The following OSTF1 variants were observed in gnomAD, a reference collection of about 807,000 sequenced individuals.
OSTF1 encodes the protein osteoclast stimulating factor 1, also known as osteoclast-stimulating factor 1.
In OSTF1, 27 loss-of-function variants were observed where a neutral mutation model predicts 37.2. The ratio of observed to expected loss-of-function variants is 0.73; its 90% CI spans 0.54 to 1.00. The LOEUF (loss-of-function observed/expected upper bound fraction) is 1.00, where lower values mean the gene tolerates loss of function less well. Ranked by LOEUF, OSTF1 falls within the 50% of genes least tolerant of loss-of-function variation. The pLI is 0.00. For missense variants in OSTF1, 232 were observed against 253.8 expected (o/e 0.91, Z 0.58); for synonymous variants, 82 against 89.2 (o/e 0.92, Z 0.46).
intron 8 of OSTF1, among the ~76,000 whole-genome samples, chr9:75,139,847 A>G (rs1825912122): frequency 6.6e-6 from 1 of 152,236 alleles, no homozygotes; most frequent in Admixed American, 6.5e-5. Context: ...TAGCTGTCAG[A>G]ATTTAAAATG....
At chr9:75,131,952 A>G (rs1825767836) in intron 5 of OSTF1, 129 bp downstream of exon 5, 1 of 682,492 alleles carries the variant, frequency 1.5e-6, no homozygotes, top group African/African-American at 1.8e-5. Context: ...CTGCCATCCT[A>G]GAAAGTTCCC....
intron 1 of OSTF1, among the ~76,000 whole-genome samples, chr9:75,100,707 GGC>G (rs1825175706): frequency 6.6e-6 from 1 of 151,266 alleles, no homozygotes; most frequent in Non-Finnish European, 1.5e-5. Context: ...GTCCAGCCTG[GGC>G]AACAGAGTGA....
At position 75,117,492 on chromosome 9, in the gene OSTF1, T is replaced by A; in HGVS notation, c.35-12T>A. 1 of 1,603,128 alleles carries A rather than the reference T, an allele frequency of 6.2e-7. No individual in the cohort carries two copies. Among genetic ancestry groups the A allele is most frequent in the Non-Finnish European group, 8.5e-7 (1 of 1,171,488 alleles). ...TGAAAAATTCAGTTGTTGTTTTTTC[T>A]TCCTTTTTTAGGGCAAGTTAAAGTC... On this transcript the variant is annotated splice_polypyrimidine_tract_variant and intron_variant, in intron 1 of 9. Transcript: ENST00000346234.
At chr9:75,126,050 T>C (rs1825656313) in intron 2 of OSTF1, among the ~76,000 whole-genome samples, 1 of 152,094 alleles carries the variant, frequency 6.6e-6, no homozygotes, top group African/African-American at 2.4e-5. Context: ...GCTGGGATTA[T>C]AAGTGTGCAC....
chr9:75,094,354 G>C (rs1825034257), intron 1 of OSTF1, among the ~76,000 whole-genome samples: 1 of 149,086 alleles, frequency 6.7e-6, no homozygotes, highest in East Asian at 1.9e-4. Flanking sequence ...AAAACGCTTT[G>C]ATACAAAAAA....
At chr9:75,100,343 C>T (rs970459378) in intron 1 of OSTF1, among the ~76,000 whole-genome samples, 3 of 152,166 alleles carry the variant, frequency 2.0e-5, no homozygotes, top group African/African-American at 7.2e-5. Flanking sequence ...CCATTGTCTC[C>T]ATTTCCTCCC....
intron 3 of OSTF1, among the ~76,000 whole-genome samples, chr9:75,128,820 T>C (rs894253917): frequency 5.3e-5 from 8 of 151,536 alleles, no homozygotes; most frequent in African/African-American, 1.9e-4. Flanking sequence ...TTAATGACAG[T>C]TTAAGAAAAA....
At chr9:75,132,299 G>A (rs963844407) in intron 5 of OSTF1, among the ~76,000 whole-genome samples, 8 of 152,120 alleles carry the variant, frequency 5.3e-5, no homozygotes, top group South Asian at 2.1e-4. Flanking sequence ...GGCCAGGGAG[G>A]GCATGACTAA....
At position 75,119,979 on chromosome 9, in the gene OSTF1, G is replaced by T. The variant is rs577772995; in HGVS notation, c.81+2429G>T. On this transcript the variant is annotated intron_variant, in intron 2 of 9. Coordinates refer to ENST00000346234, the MANE Select transcript of OSTF1 (RefSeq NM_012383.5). ...CTCCGTCTTAATAAAAAAAAAAAAAGATATGAGTCATTGGATTAGGGCTCA... is the reference window on the plus strand; with the variant it reads ...CTCCGTCTTAATAAAAAAAAAAAAATATATGAGTCATTGGATTAGGGCTCA... 3.3e-5 allele frequency among the ~76,000 whole-genome samples: 5 copies of T among 150,502 alleles called. No homozygotes were observed. In the South Asian group the frequency reaches 1.0e-3, roughly 32 times the overall value.
At chr9:75,136,431 T>A (rs557279971) in intron 7 of OSTF1, among the ~76,000 whole-genome samples, 2 of 152,290 alleles carry the variant, frequency 1.3e-5, no homozygotes, top group East Asian at 3.9e-4. Flanking sequence ...CTCGCTCTGT[T>A]GTCCAGGCTG....
In OSTF1 at chr9:75,133,537, C is replaced by G. The variant is rs764688221; in HGVS notation, c.358+136C>G. On this transcript the variant is annotated intron_variant, in intron 6 of 9. Coordinates refer to ENST00000346234, the MANE Select transcript of OSTF1 (RefSeq NM_012383.5). ...ATCCTTTAGAATACCGGCCAAAACCCTTGTTCCTGGAAGCTCTGTAGAACA... is the reference window on the plus strand; with the variant it reads ...ATCCTTTAGAATACCGGCCAAAACCGTTGTTCCTGGAAGCTCTGTAGAACA... The G allele has an allele frequency of 5.1e-6, 3 of 592,150 alleles. No individual in the cohort carries two copies. The South Asian group carries it at 6.7e-5, about 13-fold the overall frequency. 36.7% of individuals were successfully genotyped at this position (592,150 alleles called of 1,614,324 possible).
At chr9:75,143,334 A>G (rs1288986982) in intron 9 of OSTF1, among the ~76,000 whole-genome samples, 1 of 151,948 alleles carries the variant, frequency 6.6e-6, no homozygotes, top group African/African-American at 2.4e-5. Flanking sequence ...GCCCTTTAAC[A>G]TTTTTTTCCA....
chr9:75,141,465 G>T (rs530738976), intron 9 of OSTF1, among the ~76,000 whole-genome samples: 1 of 151,992 alleles, frequency 6.6e-6, no homozygotes, highest in South Asian at 2.1e-4. Flanking sequence ...CCTTTATTGT[G>T]TGTTTCTTTT....
Position 75,127,618 on chromosome 9 carries a change from T to A in OSTF1, c.131T>A (p.Met44Lys). 6.5e-7 allele frequency: 1 copy of A among 1,547,816 alleles called. No homozygotes were observed. Among genetic ancestry groups the A allele is most frequent in the South Asian group, 1.2e-5 (1 of 85,652 alleles). ...GGTGATATTATCTACATTACTGACA[T>A]GGTAAGTCCAGATAACATCTTGTAA... ...EEGDIIYITDMSDTNWWKGTS... is the reference protein window; with the variant it reads ...EEGDIIYITDKSDTNWWKGTS... Residue 44 changes from methionine to lysine, a missense_variant and splice_region_variant, in exon 3 of 10, where the codon ATG becomes AAG. Physicochemically the swap from Met to Lys is moderately conservative, Grantham distance 95. Coordinates refer to ENST00000346234, the MANE Select transcript of OSTF1 (RefSeq NM_012383.5).
At chr9:75,126,964 G>A (rs1490136548) in intron 2 of OSTF1, among the ~76,000 whole-genome samples, 2 of 152,328 alleles carry the variant, frequency 1.3e-5, no homozygotes, top group Non-Finnish European at 1.5e-5. Context: ...CAACTCCTTA[G>A]AGCTGCTTGG....
chr9:75,107,851 A>G (rs993531911), intron 1 of OSTF1, among the ~76,000 whole-genome samples: 1 of 152,180 alleles, frequency 6.6e-6, no homozygotes, highest in African/African-American at 2.4e-5. Context: ...AGCAAGGATT[A>G]TAGAGTGCAT....
In OSTF1 at chr9:75,146,697, T is replaced by A. The variant is rs754382910; in HGVS notation, c.601T>A (p.Leu201Ile). ...KKQGTDAVRT[L>I]SNAEDYLDDE... ...CTTTCTTTCAGATGCAGTTCGAACA[T>A]TAAGCAATGCCGAGGACTATCTCGA... The change falls in exon 10 of 10, where the codon TTA becomes ATA. Residue 201 changes from leucine (L) to isoleucine (I), a missense_variant. By Grantham distance (5) the Leu-to-Ile change is conservative. Coordinates refer to ENST00000346234, the MANE Select transcript of OSTF1 (RefSeq NM_012383.5). 1.9e-6 allele frequency: 3 copies of A among 1,610,218 alleles called. No individual in the cohort carries two copies. Among genetic ancestry groups the A allele is most frequent in the African/African-American group, 1.3e-5 (1 of 74,752 alleles).
chr9:75,093,360 G>A (rs914956849), intron 1 of OSTF1, among the ~76,000 whole-genome samples: 1 of 152,134 alleles, frequency 6.6e-6, no homozygotes, highest in Non-Finnish European at 1.5e-5. Context: ...TTTTGTTCTT[G>A]TAAAATCTTT....
At chr9:75,119,940 G>A (rs1018997109) in intron 2 of OSTF1, among the ~76,000 whole-genome samples, 4 of 151,766 alleles carry the variant, frequency 2.6e-5, no homozygotes, top group Non-Finnish European at 5.9e-5. Context: ...CTCCAGCCTG[G>A]CGACAGAGTG....
Sources: allele counts gnomAD v4.1 joint callset (sites outside exome capture counted in the v4.1 genomes callset), GRCh38; gene constraint gnomAD v4.1.1; transcripts MANE v1.5; gene names NCBI Gene and HGNC (gene_info 2026-07-23, HGNC 2026-07-21).